The following DNAH5 variants were observed in gnomAD, a reference collection of about 807,000 sequenced individuals.
DNAH5 encodes axonemal beta dynein heavy chain 5.
In DNAH5, 372 loss-of-function variants were observed where a neutral mutation model predicts 518.2. The observed-to-expected ratio is 0.72, with a 90% confidence interval of 0.66 to 0.78. The LOEUF (loss-of-function observed/expected upper bound fraction) is 0.78. Among genes scored for constraint, DNAH5 ranks in the 30% least tolerant of loss-of-function variants. The pLI, the probability that DNAH5 is intolerant of heterozygous loss-of-function variation, is 0.00. For missense variants in DNAH5, 5,523 were observed against 5,687.0 expected, an observed-to-expected ratio of 0.97 and a Z score of 0.93; for synonymous variants, 2,039 against 2,025.9, an observed-to-expected ratio of 1.01 and a Z score of -0.17.
rs189065983 is a variant in DNAH5, at chr5:13,879,847, T to C, written c.3262+2881A>G. On this transcript the variant is annotated intron_variant, in intron 21 of 78. Coordinates refer to ENST00000265104, the MANE Select transcript of DNAH5 (RefSeq NM_001369.3). ...ATCAAGAGGAACAACTTATGCATTA[T>C]TGGCTTGCCAGAAAGAGAAAAGAAA... 5.7e-4 allele frequency among the ~76,000 whole-genome samples: 86 copies of C among 149,720 alleles called. No homozygotes were observed. In the Middle Eastern group the frequency reaches 0.01, roughly 18 times the overall value.
intron 3 of DNAH5, 59 bp from the exon 4 acceptor site, chr5:13,923,499 T>A: frequency 6.3e-7 from 1 of 1,594,112 alleles, no homozygotes; most frequent in Non-Finnish European, 8.6e-7. Context: ...TGTGGTTCCC[T>A]TTGGAATGAA....
chr5:13,951,014 C>T (rs1780351650), intron 1 of DNAH5, among the ~76,000 whole-genome samples: 1 of 151,938 alleles, frequency 6.6e-6, no homozygotes, highest in Non-Finnish European at 1.5e-5. Flanking sequence ...AGGAAGAGAA[C>T]CCTTATTAAT....
At chr5:13,754,531 T>C (rs1301854283) in intron 61 of DNAH5, among the ~76,000 whole-genome samples, 193 bp from the exon 62 acceptor site, 1 of 152,140 alleles carries the variant, frequency 6.6e-6, no homozygotes, top group Non-Finnish European at 1.5e-5. Context: ...GTCCTCTCTC[T>C]TATCCCCTGC....
Position 13,988,725 on chromosome 5 carries a change from A to G in DNAH5, c.12+22923T>C, listed in dbSNP as rs573692760. Among the ~76,000 whole-genome samples the G allele has an allele frequency of 4.2e-3, 380 of 90,376 alleles. 5 individuals are homozygous for G. Among genetic ancestry groups the G allele is most frequent in the African/African-American group, 0.015 (364 of 24,220 alleles). 59.3% of individuals were successfully genotyped at this position (90,376 alleles called of 152,430 possible). The stretch of plus-strand genomic sequence containing the variant: ...GCATGAGCCACTGCACCCAGCCCAA[A>G]TCTTTTTTTTTTTTGAGACAGAGTC... On this transcript the variant is annotated intron_variant, in intron 1 of 78. Coordinates refer to the DNAH5 transcript ENST00000681290.
At chr5:13,735,783 T>A (rs3734109) in intron 67 of DNAH5, 35 bp downstream of exon 67, 1 of 1,468,394 alleles carries the variant, frequency 6.8e-7, no homozygotes, top group East Asian at 2.3e-5. Context: ...TGCACAGATA[T>A]AGAATTCAGC....
chr5:13,977,637 T>C (rs1202605452), intron 1 of DNAH5, among the ~76,000 whole-genome samples: 1 of 152,092 alleles, frequency 6.6e-6, no homozygotes, highest in South Asian at 2.1e-4. Flanking sequence ...ACTGCCAGAC[T>C]AGCAACTCCA....
intron 11 of DNAH5, among the ~76,000 whole-genome samples, chr5:13,913,161 T>C (rs1040778702): frequency 1.3e-5 from 2 of 152,074 alleles, no homozygotes; most frequent in Admixed American, 1.3e-4. Flanking sequence ...AGCAAATTGT[T>C]TGTAAATTGT....
At chr5:13,748,763 C>T (rs1165279650) in intron 65 of DNAH5, among the ~76,000 whole-genome samples, 1 of 152,116 alleles carries the variant, frequency 6.6e-6, no homozygotes, top group Non-Finnish European at 1.5e-5. Context: ...TGCTTATCAG[C>T]TTAAGGAGAT....
chr5:13,935,233 A>ATAAGATTAAATAAAATC (rs1778815131), intron 1 of DNAH5, among the ~76,000 whole-genome samples: 1 of 152,236 alleles, frequency 6.6e-6, no homozygotes, highest in African/African-American at 2.4e-5. Flanking sequence ...TCCAAAGAAC[A>ATAAGATTAAATAAAATC]CAGAGATTTA....
chr5:13,961,568 C>T (rs965075203), intron 1 of DNAH5, among the ~76,000 whole-genome samples: 5 of 152,076 alleles, frequency 3.3e-5, no homozygotes, highest in African/African-American at 7.2e-5. Flanking sequence ...CACTTGAACC[C>T]GGGAGGCAGA....
rs1252090324 is a variant in DNAH5 at position 13,830,085 on chromosome 5, T to C, written c.6190A>G (p.Ile2064Val). ...TCKKEHKKSF[I>V]FTDGDNVTMN... ...GTCACATTATCTCCATCAGTAAAGA[T>C]AAAAGACTTTTTGTGCTCCTTTTTA... Residue 2064 changes from isoleucine to valine, a missense_variant, in exon 37 of 79, where the codon ATC (isoleucine) becomes GTC (valine). Ile to Val is a conservative substitution (Grantham distance 29). Around this residue, in one of 3 missense-constraint regions of DNAH5, gnomAD observed 5,121 missense variants for 5,223.3 expected, o/e 0.98. Coordinates refer to ENST00000265104, the MANE Select transcript of DNAH5 (RefSeq NM_001369.3). 1.9e-6 allele frequency: 3 copies of C among 1,613,946 alleles called. No homozygotes were observed. Among genetic ancestry groups the C allele is most frequent in the African/African-American group, 1.3e-5 (1 of 74,908 alleles).
chr5:13,694,012 C>T (rs1041197330), intron 78 of DNAH5, among the ~76,000 whole-genome samples: 2 of 152,146 alleles, frequency 1.3e-5, no homozygotes, highest in Non-Finnish European at 2.9e-5. Flanking sequence ...TAGTTAAATC[C>T]TTTAATCCTA....
intron 69 of DNAH5, among the ~76,000 whole-genome samples, chr5:13,728,547 G>A (rs540164248): frequency 6.6e-6 from 1 of 152,132 alleles, no homozygotes; most frequent in African/African-American, 2.4e-5. Context: ...AATATCAATG[G>A]TCTAGGCAAG....
At chr5:13,977,296 T>C (rs1279438399) in intron 1 of DNAH5, among the ~76,000 whole-genome samples, 1 of 152,172 alleles carries the variant, frequency 6.6e-6, no homozygotes, top group Non-Finnish European at 1.5e-5. Context: ...TCCCAGGTTC[T>C]CCGGGACCTC....
At chr5:13,731,943 G>T (rs995793661) in intron 68 of DNAH5, among the ~76,000 whole-genome samples, 1 of 152,012 alleles carries the variant, frequency 6.6e-6, no homozygotes, top group Non-Finnish European at 1.5e-5. Flanking sequence ...GACCAGCTGG[G>T]GCAACATAAT....
rs369671081 is a variant in DNAH5 at position 13,914,510 on chromosome 5, T to C, written c.1320+10A>G. 1 of 1,612,456 alleles carries C rather than the reference T, an allele frequency of 6.2e-7. No individual in the cohort carries two copies. Among genetic ancestry groups the C allele is most frequent in the Non-Finnish European group, 8.5e-7 (1 of 1,179,194 alleles). ...AGAATAGAACATCTAAATACTAAACTGACCATTACCTGTTTCAGTTTAATC... is the reference window on the plus strand; with the variant it reads ...AGAATAGAACATCTAAATACTAAACCGACCATTACCTGTTTCAGTTTAATC... On this transcript the variant is annotated intron_variant, in intron 10 of 78. Coordinates refer to ENST00000265104, the MANE Select transcript of DNAH5 (RefSeq NM_001369.3).
intron 15 of DNAH5, chr5:13,898,555 T>C (rs1242093177): frequency 5.0e-6 from 2 of 398,474 alleles, no homozygotes; most frequent in Non-Finnish European, 8.8e-6. Context: ...GTCTGGGTTC[T>C]GGTCTTACTT....
intron 38 of DNAH5, among the ~76,000 whole-genome samples, chr5:13,829,176 G>A (rs1358878135): frequency 6.6e-6 from 1 of 152,128 alleles, no homozygotes; most frequent in Non-Finnish European, 1.5e-5. Context: ...TAAATCATTG[G>A]GAGGTTCCTA....
intron 1 of DNAH5, among the ~76,000 whole-genome samples, chr5:13,956,381 T>C (rs940669368): frequency 1.3e-5 from 2 of 152,244 alleles, no homozygotes; most frequent in Admixed American, 1.3e-4. Flanking sequence ...ACATCATCTA[T>C]ACTGTGTATA....
Sources: allele counts gnomAD v4.1 joint callset (sites outside exome capture counted in the v4.1 genomes callset), GRCh38; gene constraint gnomAD v4.1.1; regional missense constraint gnomAD v4.1.1; transcripts MANE v1.5; gene names NCBI Gene and HGNC (gene_info 2026-07-23, HGNC 2026-07-21).